The following NDUFAF6 variants were observed in gnomAD, a reference collection of about 807,000 sequenced individuals.
The protein encoded by NDUFAF6 is NADH:ubiquinone oxidoreductase complex assembly factor 6, also known as NADH dehydrogenase (ubiquinone) complex I, assembly factor 6.
NDUFAF6 carries 45 observed loss-of-function variants against 40.8 expected under a neutral mutation model. The ratio of observed to expected loss-of-function variants is 1.10; its 90% CI spans 0.87 to 1.42. The LOEUF (loss-of-function observed/expected upper bound fraction) is 1.42. NDUFAF6 is among the 40% of genes most tolerant of loss of function. The pLI, the probability that NDUFAF6 is intolerant of heterozygous loss-of-function variation, is 0.00. For missense variants in NDUFAF6, 435 were observed against 418.5 expected, an observed-to-expected ratio of 1.04 and a Z score of -0.34; for synonymous variants, 185 against 155.9, an observed-to-expected ratio of 1.19 and a Z score of -1.39.
At chr8:95,094,919 AT>A (rs1809402727) in intron 2 of NDUFAF6, among the ~76,000 whole-genome samples, 1 of 148,136 alleles carries the variant, frequency 6.8e-6, no homozygotes, top group Admixed American at 6.7e-5. Flanking sequence ...CGCCCAGCTA[AT>A]TTCTTAATTT....
chr8:95,042,072 C>A (rs1190911527), intron 4 of NDUFAF6, among the ~76,000 whole-genome samples: 1 of 152,180 alleles, frequency 6.6e-6, no homozygotes, highest in Non-Finnish European at 1.5e-5. Context: ...TTAATATCAT[C>A]AAATACTTGA....
chr8:95,019,041 T>G (rs1351555166), intron 2 of NDUFAF6, among the ~76,000 whole-genome samples: 2 of 152,166 alleles, frequency 1.3e-5, no homozygotes, highest in Admixed American at 6.5e-5. Flanking sequence ...AGACAGAGTC[T>G]CGCTCTAGAC....
chr8:95,000,899 T>TG (rs1356662742), intron 2 of NDUFAF6, among the ~76,000 whole-genome samples: 1 of 151,738 alleles, frequency 6.6e-6, no homozygotes, highest in African/African-American at 2.4e-5. Context: ...ATTGCACCAT[T>TG]GCACTCCAGC....
chr8:95,094,267 C>T (rs1346496496), intron 2 of NDUFAF6, among the ~76,000 whole-genome samples: 3 of 152,032 alleles, frequency 2.0e-5, no homozygotes, highest in Admixed American at 6.6e-5. Context: ...CCACCACACC[C>T]GACCAAGAAA....
At chr8:95,088,045 G>A (rs577257292) in intron 2 of NDUFAF6, 2 of 152,460 alleles carry the variant, frequency 1.3e-5, no homozygotes, top group East Asian at 3.9e-4. Flanking sequence ...CTGACCCTGC[G>A]GATGCCATGC....
chr8:95,100,039 G>T (rs1163303741), upstream of NDUFAF6, among the ~76,000 whole-genome samples: 3 of 152,164 alleles, frequency 2.0e-5, no homozygotes, highest in Non-Finnish European at 4.4e-5. Flanking sequence ...GAGGCTTGGA[G>T]TGAGTTGAAC....
At chr8:95,075,818 C>A in exon 10 of NDUFAF6, 1 of 590,430 alleles carries the variant, frequency 1.7e-6, no homozygotes, top group African/African-American at 1.9e-5. Flanking sequence ...CTCGAACACG[C>A]ACACACTTCT....
chr8:95,099,402 C>T (rs1167350950), upstream of NDUFAF6, among the ~76,000 whole-genome samples: 1 of 151,122 alleles, frequency 6.6e-6, no homozygotes, highest in East Asian at 1.9e-4. Context: ...ATATTCTCTG[C>T]CTGCACCCAC....
At chr8:95,117,315 G>C (rs151247957), downstream of NDUFAF6, among the ~76,000 whole-genome samples, 421 of 152,310 alleles carry the variant, frequency 2.8e-3, 2 homozygotes, top group African/African-American at 9.9e-3. Context: ...CCCTGGAAAG[G>C]TGGGCTGAGG....
chr8:94,921,149 A>G (rs1385867299), intron 1 of NDUFAF6, among the ~76,000 whole-genome samples: 2 of 152,218 alleles, frequency 1.3e-5, no homozygotes, highest in Non-Finnish European at 2.9e-5. Flanking sequence ...CTTGATCAAG[A>G]TATTAAATTA....
At position 95,025,144 on chromosome 8, in the gene NDUFAF6, G is replaced by A; in HGVS notation, c.136G>A (p.Val46Met). The A allele has an allele frequency of 6.7e-7, 1 of 1,486,024 alleles. No individual in the cohort carries two copies. Among genetic ancestry groups the A allele is most frequent in the Non-Finnish European group, 8.9e-7 (1 of 1,128,234 alleles). 92.1% of individuals were successfully genotyped at this position (1,486,024 alleles called of 1,614,324 possible). ...LPGPEVSGRS[V>M]AAASGPGAWG... The stretch of plus-strand genomic sequence containing the variant: ...CGGGCCGGAGGTGTCTGGGCGGAGC[G>A]TGGCTGCGGCCAGCGGACCGGGCGC... The change falls in exon 1 of 9, where the codon GTG (valine) becomes ATG (methionine). Residue 46 changes from valine to methionine, a missense_variant. By Grantham distance (21) the Val-to-Met change is conservative. Coordinates refer to ENST00000396124, the MANE Select transcript of NDUFAF6 (RefSeq NM_152416.4).
chr8:95,000,707 G>A (rs745642658), intron 2 of NDUFAF6, among the ~76,000 whole-genome samples: 69 of 151,426 alleles, frequency 4.6e-4, no homozygotes, highest in South Asian at 1.5e-3. Flanking sequence ...AGGCTGAGGC[G>A]GTCAGACTGC....
chr8:94,901,730 C>T (rs1056771371), intron 1 of NDUFAF6, among the ~76,000 whole-genome samples: 6 of 152,030 alleles, frequency 3.9e-5, no homozygotes, highest in Non-Finnish European at 8.8e-5. Context: ...TACAGGCATG[C>T]GTCACCATTC....
chr8:95,064,544 T>C (rs1832654118), intron 9 of NDUFAF6, among the ~76,000 whole-genome samples: 1 of 148,042 alleles, frequency 6.8e-6, no homozygotes, highest in Admixed American at 6.7e-5. Context: ...TTTATTCGTG[T>C]GTGTGTGTGT....
chr8:95,036,905 A>C (rs1829568250), intron 3 of NDUFAF6, among the ~76,000 whole-genome samples: 1 of 152,214 alleles, frequency 6.6e-6, no homozygotes, highest in South Asian at 2.1e-4. Context: ...TGAAAGATGC[A>C]GGTCATGTTC....
At chr8:95,082,347 A>G (rs4379417) in intron 2 of NDUFAF6, among the ~76,000 whole-genome samples, 99,149 of 151,874 alleles carry the variant, frequency 0.65, 33,606 homozygotes, top group African/African-American at 0.83. Flanking sequence ...ATAGTGCAGC[A>G]ATGGTAGGAA....
At chr8:95,045,857 C>G (rs1240188153) in intron 5 of NDUFAF6, among the ~76,000 whole-genome samples, 1 of 152,010 alleles carries the variant, frequency 6.6e-6, no homozygotes, top group Non-Finnish European at 1.5e-5. Flanking sequence ...GACTCAGGCT[C>G]TCATACAACT....
chr8:94,896,270 C>CCCG (rs1249280461), intron 1 of NDUFAF6, among the ~76,000 whole-genome samples: 12 of 148,542 alleles, frequency 8.1e-5, no homozygotes, highest in Non-Finnish European at 1.8e-4. Flanking sequence ...CGCGCCCCGC[C>CCCG]CCGCCGCCGC....
At chr8:94,992,529 G>T (rs1339102892) in intron 2 of NDUFAF6, among the ~76,000 whole-genome samples, 1 of 152,030 alleles carries the variant, frequency 6.6e-6, no homozygotes, top group East Asian at 1.9e-4. Flanking sequence ...TTACATATAG[G>T]TCTATATTCT....
Sources: gnomAD v4.1 joint callset for allele counts (sites outside exome capture counted in the v4.1 genomes callset) on GRCh38, gnomAD v4.1.1 for gene constraint, MANE v1.5 for transcripts, NCBI Gene and HGNC (gene_info 2026-07-23, HGNC 2026-07-21) for gene names.